ANXA4: variants seen among roughly 807,000 people sequenced by gnomAD.
The protein encoded by ANXA4 is annexin A4, also known as 35-beta calcimedin.
Under a neutral mutation model 49.8 loss-of-function variants are expected in ANXA4, and 39 were observed. The ratio of observed to expected loss-of-function variants is 0.78; its 90% CI spans 0.61 to 1.02. The LOEUF is 1.02. ANXA4 is among the 50% of genes least tolerant of loss of function. The probability of loss-of-function intolerance (pLI) is 0.00; values close to 1 mark genes in which losing one functional copy is unlikely to be tolerated. For missense variants in ANXA4, 360 were observed against 410.1 expected (o/e 0.88, Z 1.05); for synonymous variants, 134 against 152.5 (o/e 0.88, Z 0.89).
intron 2 of ANXA4, among the ~76,000 whole-genome samples, chr2:69,681,166 G>A (rs1225968952): frequency 6.6e-6 from 1 of 151,946 alleles, no homozygotes; most frequent in East Asian, 1.9e-4. Flanking sequence ...TTTTATTACT[G>A]ATTTAATTTC....
At chr2:69,772,906 A>G (rs1336378307) in intron 1 of ANXA4, among the ~76,000 whole-genome samples, 1 of 152,050 alleles carries the variant, frequency 6.6e-6, no homozygotes, top group Non-Finnish European at 1.5e-5. Flanking sequence ...GATCCAAGCT[A>G]CTTGGGAGGC....
intron 1 of ANXA4, among the ~76,000 whole-genome samples, chr2:69,763,896 T>A (rs546698481): frequency 6.6e-6 from 1 of 152,204 alleles, no homozygotes; most frequent in South Asian, 2.1e-4. Flanking sequence ...CTCCTGACCT[T>A]GTGATCTGCC....
chr2:69,781,425 AT>A (rs1672193604), intron 1 of ANXA4, 94 bp from the exon 2 acceptor site: 1 of 1,011,488 alleles, frequency 9.9e-7, no homozygotes, highest in Admixed American at 2.0e-5. Context: ...TCATTTCCTC[AT>A]GGCTTAGCTT....
chr2:69,803,196 GA>G lies in ANXA4; in HGVS notation c.98-1325del, dbSNP rs1180414694. 5.3e-3 allele frequency among the ~76,000 whole-genome samples: 690 copies of G among 130,696 alleles called. 3 individuals carry two copies. The highest frequency in any genetic ancestry group is 0.02 in the Admixed American group (261 of 13,260). The allele number at this position is 130,696 out of a possible 152,430, so 85.7% of individuals were successfully genotyped here. A position where few individuals can be genotyped will look rare whatever the true frequency, so the allele number is the denominator to read the frequency against. ...AGAGCGAAACTCCATCTCAAAAAAA[GA>G]AAAAAAAAAAAGGAACAGAAAGTAG... On this transcript the variant is annotated intron_variant, in intron 3 of 12. Transcript: ENST00000394295.
chr2:69,656,299 ATATATG>A (rs1676461734), intron 2 of ANXA4, among the ~76,000 whole-genome samples: 1 of 111,826 alleles, frequency 8.9e-6, no homozygotes, highest in Non-Finnish European at 1.7e-5. Flanking sequence ...ATATATGTAT[ATATATG>A]TATATATGTA....
chr2:69,675,992 G>A (rs1677398813), intron 2 of ANXA4, among the ~76,000 whole-genome samples: 1 of 147,214 alleles, frequency 6.8e-6, no homozygotes, highest in African/African-American at 2.5e-5. Flanking sequence ...GGGCGACAGA[G>A]CAAGACTCTG....
At chr2:69,803,148 G>C (rs1008968178) in intron 3 of ANXA4, among the ~76,000 whole-genome samples, 2 of 150,980 alleles carry the variant, frequency 1.3e-5, no homozygotes. Flanking sequence ...GAGTGAGCTG[G>C]ACTGCACTCC....
chr2:69,791,485 A>G (rs1476363778), intron 3 of ANXA4, among the ~76,000 whole-genome samples: 1 of 152,238 alleles, frequency 6.6e-6, no homozygotes, highest in Non-Finnish European at 1.5e-5. Context: ...GCAGAGAGAC[A>G]TAAACATGCT....
At chr2:69,768,902 C>T (rs1268393974) in intron 1 of ANXA4, among the ~76,000 whole-genome samples, 5 of 151,932 alleles carry the variant, frequency 3.3e-5, no homozygotes, top group Admixed American at 3.3e-4. Flanking sequence ...ATAGTGAGAC[C>T]CCATCTCAAA....
chr2:69,677,262 A>T (rs1677444445), intron 2 of ANXA4, among the ~76,000 whole-genome samples: 1 of 151,956 alleles, frequency 6.6e-6, no homozygotes, highest in African/African-American at 2.4e-5. Context: ...ACAGAGTCTC[A>T]CTCTGTTGCC....
intron 2 of ANXA4, among the ~76,000 whole-genome samples, chr2:69,701,580 G>A (rs1212982904): frequency 6.6e-6 from 1 of 152,102 alleles, no homozygotes; most frequent in Non-Finnish European, 1.5e-5. Context: ...TCACTGTATG[G>A]AGGTATGTAT....
intron 2 of ANXA4, among the ~76,000 whole-genome samples, chr2:69,719,165 A>T (rs1669749330): frequency 6.6e-6 from 1 of 151,228 alleles, no homozygotes; most frequent in African/African-American, 2.4e-5. Flanking sequence ...TTTAGTAGAG[A>T]CAAGGTTTCA....
At chr2:69,808,199 A>G in intron 6 of ANXA4, 1 of 561,778 alleles carries the variant, frequency 1.8e-6, no homozygotes. Flanking sequence ...GGTGAAGATG[A>G]CACTCTATTT....
At chr2:69,651,878 T>C (rs1330964218) in intron 1 of ANXA4, among the ~76,000 whole-genome samples, 1 of 139,910 alleles carries the variant, frequency 7.1e-6, no homozygotes, top group Non-Finnish European at 1.5e-5. Flanking sequence ...TGCAGTGGCG[T>C]GATCTCAGCT....
chr2:69,703,126 C>T (rs556387354), intron 2 of ANXA4, among the ~76,000 whole-genome samples: 30 of 152,120 alleles, frequency 2.0e-4, no homozygotes, highest in Non-Finnish European at 3.8e-4. Flanking sequence ...CATCTGCTGC[C>T]ATGAAACCCC....
intron 11 of ANXA4, among the ~76,000 whole-genome samples, chr2:69,820,420 G>A (rs1674183562): frequency 6.6e-6 from 1 of 152,106 alleles, no homozygotes; most frequent in South Asian, 2.1e-4. Context: ...AGGAATCGTA[G>A]GTGAGCCAGG....
At chr2:69,704,588 G>A (rs1678431289) in intron 2 of ANXA4, among the ~76,000 whole-genome samples, 1 of 152,184 alleles carries the variant, frequency 6.6e-6, no homozygotes, top group South Asian at 2.1e-4. Context: ...GAGTCTGTGT[G>A]TTTCTCATCA....
chr2:69,695,266 G>A (rs1370322661), intron 2 of ANXA4, among the ~76,000 whole-genome samples: 2 of 152,054 alleles, frequency 1.3e-5, no homozygotes, highest in Non-Finnish European at 2.9e-5. Flanking sequence ...TTCTCCTCAC[G>A]CTGAGAATCA....
chr2:69,656,343 ATGTG>A (rs1267889827), intron 2 of ANXA4, among the ~76,000 whole-genome samples: 5 of 102,838 alleles, frequency 4.9e-5, no homozygotes, highest in East Asian at 4.8e-4. Flanking sequence ...GTGTATATAT[ATGTG>A]TATATATGTG....
Sources: gnomAD v4.1 joint callset for allele counts (sites outside exome capture counted in the v4.1 genomes callset) on GRCh38, gnomAD v4.1.1 for gene constraint, MANE v1.5 for transcripts, NCBI Gene and HGNC (gene_info 2026-07-23, HGNC 2026-07-21) for gene names.